The following UGT2B17 variants were observed in gnomAD, a reference collection of about 807,000 sequenced individuals.
UGT2B17 encodes UDP glucuronosyltransferase family 2 member B17, also known as UDP-glucuronosyltransferase 2B17.
UGT2B17 carries 21 observed loss-of-function variants against 48.2 expected under a neutral mutation model. That is an observed-to-expected ratio of 0.44 (90% CI 0.31 to 0.63). The LOEUF (loss-of-function observed/expected upper bound fraction) is 0.63. Among genes scored for constraint, UGT2B17 ranks in the 20% least tolerant of loss-of-function variants. The pLI, the probability that UGT2B17 is intolerant of heterozygous loss-of-function variation, is 0.08. For missense variants in UGT2B17, 402 were observed against 696.1 expected, an observed-to-expected ratio of 0.58 and a Z score of 4.75; for synonymous variants, 146 against 238.4, an observed-to-expected ratio of 0.61 and a Z score of 3.57.
chr4:68,555,929 T>C (rs1406627071), intron 4 of UGT2B17, among the ~76,000 whole-genome samples: 2 of 119,692 alleles, frequency 1.7e-5, no homozygotes, highest in African/African-American at 5.6e-5. Flanking sequence ...AAAAGTTTTT[T>C]TTTTTTTTTT....
intron 4 of UGT2B17, among the ~76,000 whole-genome samples, chr4:68,556,832 T>C (rs1286638765): frequency 1.6e-5 from 2 of 125,722 alleles, no homozygotes; most frequent in African/African-American, 5.4e-5. Flanking sequence ...TTTTTTGAAA[T>C]CCTTGAGTTA....
chr4:68,569,585 T>A (rs1225968998), intron 1 of UGT2B17, among the ~76,000 whole-genome samples: 2 of 123,600 alleles, frequency 1.6e-5, no homozygotes, highest in Non-Finnish European at 3.4e-5. Flanking sequence ...AAGGGATGAG[T>A]AACTCCTCCC....
chr4:68,558,749 AT>A lies in UGT2B17; in HGVS notation c.1005+1787del, dbSNP rs888216323. Among the ~76,000 whole-genome samples the A allele has an allele frequency of 1.6e-5, 2 of 125,588 alleles. 1 individual carries two copies. Among genetic ancestry groups the A allele is most frequent in the South Asian group, 7.4e-4 (2 of 2,712 alleles). The allele number at this position is 125,588 out of a possible 152,430, so 82.4% of individuals were successfully genotyped here. On this transcript the variant is annotated intron_variant, in intron 4 of 6. Transcript: ENST00000317746. ...TCTTCTAAAATGCTTTCTCCAAAAG[AT>A]TTTTTTAAAATGTAAAATGAAAATA...
chr4:68,561,376 T>C lies in UGT2B17; in HGVS notation c.874-708A>G, dbSNP rs1466705683. 5.8e-5 allele frequency among the ~76,000 whole-genome samples: 7 copies of C among 120,174 alleles called. 3 individuals are homozygous for C. Among genetic ancestry groups the C allele is most frequent in the Non-Finnish European group, 1.2e-4 (7 of 58,244 alleles). The allele number at this position is 120,174 out of a possible 152,430, so 78.8% of individuals were successfully genotyped here. A position where few individuals can be genotyped will look rare whatever the true frequency, so the allele number is the denominator to read the frequency against. On this transcript the variant is annotated intron_variant, in intron 3 of 6. Transcript: ENST00000317746. ...GTTGGGGCTTGGAATTTCCGGGAAA[T>C]AGTTCTGAGAATTCCATTTATAATA...
intron 6 of UGT2B17, among the ~76,000 whole-genome samples, chr4:68,547,530 C>T (rs1463889230): frequency 1.6e-5 from 2 of 124,366 alleles, no homozygotes; most frequent in Non-Finnish European, 3.4e-5. Context: ...GACTTCATGA[C>T]TAAAACACCA....
rs1179425799 is a variant in UGT2B17, at chr4:68,550,264, A to G, written c.1313+413T>C. 5.6e-5 allele frequency among the ~76,000 whole-genome samples: 7 copies of G among 124,872 alleles called. 3 individuals are homozygous for G. In the South Asian group the frequency reaches 1.1e-3, roughly 20 times the overall value. The allele number at this position is 124,872 out of a possible 152,430, so 81.9% of individuals were successfully genotyped here. A position where few individuals can be genotyped will look rare whatever the true frequency, so the allele number is the denominator to read the frequency against. On this transcript the variant is annotated intron_variant, in intron 6 of 6. Transcript: ENST00000317746. ...TGAATGTTATGCTATGCAAATTGTA[A>G]CTCATTTTCAAATTGATTAAAATAA...
At chr4:68,541,007 A>T (rs1434948195) in intron 6 of UGT2B17, among the ~76,000 whole-genome samples, 1 of 125,816 alleles carries the variant, frequency 7.9e-6, no homozygotes, top group Non-Finnish European at 1.7e-5. Flanking sequence ...GTATGCCGCC[A>T]TACTGTACAT....
chr4:68,565,855 T>A lies in UGT2B17; in HGVS notation c.725-135A>T, dbSNP rs1451059111. On this transcript the variant is annotated intron_variant, in intron 2 of 6. Transcript: ENST00000317746. ...AATATATAAAATGTCTGCACATTGA[T>A]AATATATATAAATACATTTATATAA... is the stretch of plus-strand genomic sequence containing the variant. 5 of 566,282 alleles carry A rather than the reference T, an allele frequency of 8.8e-6. 1 individual carries two copies. Among genetic ancestry groups the A allele is most frequent in the African/African-American group, 8.5e-5 (4 of 47,232 alleles). 35.1% of individuals were successfully genotyped at this position (566,282 alleles called of 1,614,324 possible). A position where few individuals can be genotyped will look rare whatever the true frequency, so the allele number is the denominator to read the frequency against.
Position 68,550,951 on chromosome 4 carries a change from T to C in UGT2B17, c.1094-55A>G. On this transcript the variant is annotated intron_variant, in intron 5 of 6. Transcript: ENST00000317746. ...TTAATTATAAGGCACAGGAATTGAA[T>C]AAGAAATGCACAATATAAGGAACTT... The C allele has an allele frequency of 4.7e-6, 6 of 1,263,366 alleles. 3 individuals are homozygous for C. In the East Asian group the frequency reaches 5.1e-4, roughly 107 times the overall value. 78.3% of individuals were successfully genotyped at this position (1,263,366 alleles called of 1,614,324 possible).
At chr4:68,549,017 C>A (rs1272882341) in intron 6 of UGT2B17, among the ~76,000 whole-genome samples, 4 of 124,368 alleles carry the variant, frequency 3.2e-5, no homozygotes, top group African/African-American at 1.1e-4. Context: ...TGCCTGATTG[C>A]CCTAGTTCAC....
rs1445138915 is a variant in UGT2B17 at position 68,543,998 on chromosome 4, A to G, written c.1314-6094T>C. 1.6e-5 allele frequency among the ~76,000 whole-genome samples: 2 copies of G among 126,884 alleles called. 1 individual carries two copies. The highest frequency in any genetic ancestry group is 3.3e-5 in the Non-Finnish European group (2 of 59,828). 83.2% of individuals were successfully genotyped at this position (126,884 alleles called of 152,430 possible). Reference sequence around the variant, plus strand: ...GACGGGGAGAATGGAAACAAGTTGGAAAACACTCTGCAGGTTATCATCCAG... The same window carrying G: ...GACGGGGAGAATGGAAACAAGTTGGGAAACACTCTGCAGGTTATCATCCAG... On this transcript the variant is annotated intron_variant, in intron 6 of 6. Coordinates refer to ENST00000317746, the MANE Select transcript of UGT2B17 (RefSeq NM_001077.4).
Position 68,570,748 on chromosome 4 carries a change from C to T in UGT2B17, c.-64-2200G>A, listed in dbSNP as rs1194559320. On this transcript the variant is annotated intron_variant, in intron 1 of 6. Transcript: ENST00000317746. The stretch of plus-strand genomic sequence containing the variant: ...AGGTAGCAAACAAGGGAGCAGTAAG[C>T]AGGTTTTTATAATTATTGTAACTCC... 2.4e-5 allele frequency among the ~76,000 whole-genome samples: 3 copies of T among 126,044 alleles called. 1 individual carries two copies. Among genetic ancestry groups the T allele is most frequent in the African/African-American group, 8.2e-5 (3 of 36,706 alleles). 82.7% of individuals were successfully genotyped at this position (126,044 alleles called of 152,430 possible). A position where few individuals can be genotyped will look rare whatever the true frequency, so the allele number is the denominator to read the frequency against.
Position 68,555,164 on chromosome 4 carries a change from T to A in UGT2B17, c.1006-3253A>T, listed in dbSNP as rs1442053494. 6.3e-5 allele frequency among the ~76,000 whole-genome samples: 8 copies of A among 126,022 alleles called. 2 individuals are homozygous for A. Among genetic ancestry groups the A allele is most frequent in the Non-Finnish European group, 1.2e-4 (7 of 59,416 alleles). The allele number at this position is 126,022 out of a possible 152,430, so 82.7% of individuals were successfully genotyped here. On this transcript the variant is annotated intron_variant, in intron 4 of 6. Transcript: ENST00000317746. ...TGCATTAAGACTTGCCAGCATACAT[T>A]TTTGTTTGCATTTATTAATCAAGAA...
In UGT2B17 at chr4:68,562,904, G is replaced by T. The variant is rs1190765189; in HGVS notation, c.874-2236C>A. ...TGTTCCTTAGTTTCCAACTATACCT[G>T]TACTACAGCTGACAGTGTAATTAAA... On this transcript the variant is annotated intron_variant, in intron 3 of 6. Coordinates refer to ENST00000317746, the MANE Select transcript of UGT2B17 (RefSeq NM_001077.4). Among the ~76,000 whole-genome samples, 2 of 125,810 alleles carry T rather than the reference G, an allele frequency of 1.6e-5. 1 individual carries two copies. The highest frequency in any genetic ancestry group is 5.4e-5 in the African/African-American group (2 of 36,886). The allele number at this position is 125,810 out of a possible 152,430, so 82.5% of individuals were successfully genotyped here. A position where few individuals can be genotyped will look rare whatever the true frequency, so the allele number is the denominator to read the frequency against.
chr4:68,542,991 C>T (rs1314373985), intron 6 of UGT2B17, among the ~76,000 whole-genome samples: 1 of 126,620 alleles, frequency 7.9e-6, no homozygotes, highest in African/African-American at 2.7e-5. Context: ...CGCCTGCCTG[C>T]CTCTGTAGAT....
In UGT2B17 at chr4:68,550,242, ATG is replaced by A. The variant is rs548546722; in HGVS notation, c.1313+433_1313+434del. ...ATATTTAGATTTTAAATTTTAGTGA[ATG>A]TTATGCTATGCAAATTGTAACTCAT... On this transcript the variant is annotated intron_variant, in intron 6 of 6. Coordinates refer to ENST00000317746, the MANE Select transcript of UGT2B17 (RefSeq NM_001077.4). Among the ~76,000 whole-genome samples, 37 of 124,758 alleles carry A rather than the reference ATG, an allele frequency of 3.0e-4. 12 individuals carry two copies. In the South Asian group the frequency reaches 8.4e-3, roughly 28 times the overall value. The allele number at this position is 124,758 out of a possible 152,430, so 81.8% of individuals were successfully genotyped here.
chr4:68,560,792 C>T (rs1560579765), intron 3 of UGT2B17, 124 bp from the exon 4 acceptor site: 1 of 1,153,550 alleles, frequency 8.7e-7, no homozygotes, highest in South Asian at 1.6e-5. Context: ...TTTAAACTGA[C>T]CTAATCATTC....
At chr4:68,564,294 A>ATATATATATATTTTTTTTTT (rs1366181355) in intron 3 of UGT2B17, among the ~76,000 whole-genome samples, 1 of 75,786 alleles carries the variant, frequency 1.3e-5, no homozygotes, top group African/African-American at 5.1e-5. Context: ...ATATATATAT[A>ATATATATATATTTTTTTTTT]TTTTTTTTTT....
chr4:68,565,157 CT>C lies in UGT2B17; in HGVS notation c.873+414del, dbSNP rs1731174526. Among the ~76,000 whole-genome samples the C allele has an allele frequency of 2.4e-5, 3 of 126,086 alleles. 1 individual carries two copies. The Admixed American group carries it at 2.4e-4, about 10-fold the overall frequency. 82.7% of individuals were successfully genotyped at this position (126,086 alleles called of 152,430 possible). On this transcript the variant is annotated intron_variant, in intron 3 of 6. Transcript: ENST00000317746. The stretch of plus-strand genomic sequence containing the variant: ...GTCTTTCCTTATAACACTTTTTAGA[CT>C]TTTCTTTTTCACTTGTTTTTATTCT...
Sources: gnomAD v4.1 joint callset for allele counts (sites outside exome capture counted in the v4.1 genomes callset) on GRCh38, gnomAD v4.1.1 for gene constraint, MANE v1.5 for transcripts, NCBI Gene and HGNC (gene_info 2026-07-23, HGNC 2026-07-21) for gene names.